Variants in MOCOS observed in about 807,000 individuals in gnomAD.
MOCOS encodes the protein molybdenum cofactor sulfurase.
MOCOS carries 86 observed loss-of-function variants against 83.6 expected under a neutral mutation model. The observed-to-expected ratio is 1.03, with a 90% CI of 0.86 to 1.23. The LOEUF (loss-of-function observed/expected upper bound fraction) is 1.23. Ranked by LOEUF, MOCOS falls within the 50% of genes most tolerant of loss-of-function variation. MOCOS has a pLI of 0.00. For missense variants in MOCOS, 1,120 were observed against 1,126.9 expected, an observed-to-expected ratio of 0.99 and a Z score of 0.09; for synonymous variants, 445 against 434.7, an observed-to-expected ratio of 1.02 and a Z score of -0.29.
chr18:36,245,456 C>T (rs1211778544), intron 9 of MOCOS, among the ~76,000 whole-genome samples: 1 of 152,204 alleles, frequency 6.6e-6, no homozygotes, highest in Non-Finnish European at 1.5e-5. Context: ...GATAGGACCC[C>T]AATCCCTTCT....
At chr18:36,208,700 T>C (rs1401572017) in intron 6 of MOCOS, among the ~76,000 whole-genome samples, 1 of 152,184 alleles carries the variant, frequency 6.6e-6, no homozygotes, top group Non-Finnish European at 1.5e-5. Flanking sequence ...GGGCAGAGAT[T>C]ATGGGATTTT....
rs2096889 is a variant in MOCOS at position 36,219,967 on chromosome 18, C to T, written c.1798-88C>T. 0.12 allele frequency: 179,892 copies of T among 1,517,206 alleles called. 12,065 individuals are homozygous for T. Among genetic ancestry groups the T allele is most frequent in the Non-Finnish European group, 0.14 (151,220 of 1,094,736 alleles). The allele number at this position is 1,517,206 out of a possible 1,614,324, so 94.0% of individuals were successfully genotyped here. ...AGTGTAGGTGCTGAATTCATGAAGTCTATCTGTGTTTGTGTAGCCACTGTA... is the reference window on the plus strand; with the variant it reads ...AGTGTAGGTGCTGAATTCATGAAGTTTATCTGTGTTTGTGTAGCCACTGTA... On this transcript the variant is annotated intron_variant, in intron 8 of 14. Coordinates refer to ENST00000261326, the MANE Select transcript of MOCOS (RefSeq NM_017947.4).
chr18:36,263,318 T>C (rs2091670390), intron 13 of MOCOS, among the ~76,000 whole-genome samples: 1 of 152,212 alleles, frequency 6.6e-6, no homozygotes, highest in South Asian at 2.1e-4. Context: ...TTATGTGAAT[T>C]AGGCCTTTAT....
intron 9 of MOCOS, among the ~76,000 whole-genome samples, chr18:36,241,968 G>A (rs1280645028): frequency 2.6e-5 from 4 of 152,212 alleles, no homozygotes; most frequent in African/African-American, 9.6e-5. Context: ...CCCTGAGCCT[G>A]ACCCGCGAAG....
rs1373736807 is a variant in MOCOS at position 36,199,889 on chromosome 18, C to T, written c.506C>T (p.Ser169Phe). 2 of 1,613,630 alleles carry T rather than the reference C, an allele frequency of 1.2e-6. No homozygotes were observed. The highest frequency in any genetic ancestry group is 2.2e-5 in the East Asian group (1 of 44,802). The change falls in exon 4 of 15, where the codon TCC becomes TTC. Residue 169 changes from serine (S) to phenylalanine (F), a missense_variant. Ser to Phe is a radical substitution (Grantham distance 155). Transcript: ENST00000261326. ...GTGACCATGGCTATAAATGTCATAT[C>T]CACCCCGGTCAGGCCAGAGGACCTG... ...RNVTMAINVI[S>F]TPVRPEDLWS...
rs577151999 is a variant in MOCOS, at chr18:36,244,224, T to G, written c.1961-4698T>G. Among the ~76,000 whole-genome samples, 277 of 152,276 alleles carry G rather than the reference T, an allele frequency of 1.8e-3. 1 individual carries two copies. Among genetic ancestry groups the G allele is most frequent in the African/African-American group, 6.3e-3 (262 of 41,580 alleles). On this transcript the variant is annotated intron_variant, in intron 9 of 14. Coordinates refer to ENST00000261326, the MANE Select transcript of MOCOS (RefSeq NM_017947.4). ...TGAGGTGTGACCTTAGATTATTTATTTGTGCTCTTTCAGACTTTTTGATGT... is the reference window on the plus strand; with the variant it reads ...TGAGGTGTGACCTTAGATTATTTATGTGTGCTCTTTCAGACTTTTTGATGT...
chr18:36,231,884 G>A (rs1340402472), intron 9 of MOCOS, among the ~76,000 whole-genome samples: 1 of 152,176 alleles, frequency 6.6e-6, no homozygotes, highest in Non-Finnish European at 1.5e-5. Flanking sequence ...GATGAAGAAA[G>A]TCTTCATGTT....
intron 5 of MOCOS, 124 bp from the exon 6 acceptor site, chr18:36,204,953 A>G (rs536353570): frequency 9.4e-6 from 8 of 854,582 alleles, no homozygotes; most frequent in Non-Finnish European, 1.4e-5. Context: ...TGATCATACC[A>G]CTGCACTCCA....
At chr18:36,229,784 G>A (rs2091531173) in intron 9 of MOCOS, among the ~76,000 whole-genome samples, 1 of 151,796 alleles carries the variant, frequency 6.6e-6, no homozygotes, top group African/African-American at 2.4e-5. Flanking sequence ...CTAGTCTGCT[G>A]TTGAACCTCT....
intron 9 of MOCOS, among the ~76,000 whole-genome samples, chr18:36,247,405 G>A (rs1024537113): frequency 6.6e-6 from 1 of 152,182 alleles, no homozygotes; most frequent in African/African-American, 2.4e-5. Flanking sequence ...TTCTACTTAG[G>A]AAAGTTTGTG....
rs1183029206 is a variant in MOCOS at position 36,215,623 on chromosome 18, T to C, written c.1443T>C (p.Phe481=). 2.5e-6 allele frequency: 4 copies of C among 1,614,012 alleles called. No homozygotes were observed. Among genetic ancestry groups the C allele is most frequent in the African/African-American group, 1.3e-5 (1 of 74,900 alleles). Residue 481 remains phenylalanine, a synonymous_variant, in exon 8 of 15, where the codon TTT becomes TTC. Transcript: ENST00000261326. Reference sequence around the variant, plus strand: ...CGACGCTGGATGATGTCCAGGCCTTTCTTAGGTTCATCATAGACACTCGCC... The same window carrying C: ...CGACGCTGGATGATGTCCAGGCCTTCCTTAGGTTCATCATAGACACTCGCC... ...YMSTLDDVQA[F]LRFIIDTRLH...
Position 36,191,020 on chromosome 18 carries a change from C to A in MOCOS, c.142+3339C>A, listed in dbSNP as rs1234332837. ...GGTGGCAGAGCAAGACCCTATCTCTCAAAAAAAAAAAGAAAAAGAAAAAAA... is the reference window on the plus strand; with the variant it reads ...GGTGGCAGAGCAAGACCCTATCTCTAAAAAAAAAAAAGAAAAAGAAAAAAA... On this transcript the variant is annotated intron_variant, in intron 1 of 14. Transcript: ENST00000261326. Among the ~76,000 whole-genome samples the A allele has an allele frequency of 6.0e-4, 49 of 81,402 alleles. 1 individual carries two copies. The highest frequency in any genetic ancestry group is 2.4e-3 in the South Asian group (4 of 1,688). The allele number at this position is 81,402 out of a possible 152,430, so 53.4% of individuals were successfully genotyped here. A position where few individuals can be genotyped will look rare whatever the true frequency, so the allele number is the denominator to read the frequency against.
intron 13 of MOCOS, 59 bp from the exon 14 acceptor site, chr18:36,266,690 G>A: frequency 7.0e-7 from 1 of 1,433,738 alleles, no homozygotes; most frequent in East Asian, 2.3e-5. Context: ...TCCTCCCTCT[G>A]AGGTGCAAGG....
chr18:36,198,813 C>T, intron 3 of MOCOS, 57 bp downstream of exon 3: 5 of 1,576,062 alleles, frequency 3.2e-6, no homozygotes, highest in Non-Finnish European at 4.4e-6. Context: ...GACTTCCTTC[C>T]TAGGACTTGC....
At chr18:36,206,845 G>C (rs1444324507) in intron 6 of MOCOS, among the ~76,000 whole-genome samples, 1 of 152,170 alleles carries the variant, frequency 6.6e-6, no homozygotes, top group African/African-American at 2.4e-5. Flanking sequence ...TAGTATCCCA[G>C]GGTGTAAATG....
At chr18:36,232,888 A>ACACACC (rs1568060529) in intron 9 of MOCOS, among the ~76,000 whole-genome samples, 1 of 143,062 alleles carries the variant, frequency 7.0e-6, no homozygotes. Context: ...ACACACACAC[A>ACACACC]CCATTTTCTT....
At chr18:36,203,212 G>A in intron 5 of MOCOS, 23 bp downstream of exon 5, 1 of 1,608,190 alleles carries the variant, frequency 6.2e-7, no homozygotes, top group Non-Finnish European at 8.5e-7. Context: ...TTCTATCCCT[G>A]TGGAATTTGC....
In MOCOS at chr18:36,200,036, A is replaced by T. The variant is rs758893848; in HGVS notation, c.653A>T (p.Glu218Val). Residue 218 changes from glutamate (E) to valine (V), a missense_variant, in exon 4 of 15, where the codon GAG becomes GTG. Physicochemically the swap from Glu to Val is moderately radical, Grantham distance 121. Coordinates refer to ENST00000261326, the MANE Select transcript of MOCOS (RefSeq NM_017947.4). Reference sequence around the variant, plus strand: ...AGATACCCCCTGTCCTGGATAGAAGAGGTCAAGTCTGGGCGGTTGCACCCT... The same window carrying T: ...AGATACCCCCTGTCCTGGATAGAAGTGGTCAAGTCTGGGCGGTTGCACCCT... ...GVRYPLSWIE[E>V]VKSGRLHPVS... 3.7e-6 allele frequency: 6 copies of T among 1,614,070 alleles called. No individual in the cohort carries two copies. The highest frequency in any genetic ancestry group is 4.2e-6 in the Non-Finnish European group (5 of 1,180,038).
At chr18:36,233,576 T>C (rs556907228) in intron 9 of MOCOS, among the ~76,000 whole-genome samples, 4 of 152,218 alleles carry the variant, frequency 2.6e-5, no homozygotes, top group Non-Finnish European at 5.9e-5. Flanking sequence ...CTGGATCAAA[T>C]TGTGGTTCTA....
Sources: allele counts gnomAD v4.1 joint callset (sites outside exome capture counted in the v4.1 genomes callset), GRCh38; gene constraint gnomAD v4.1.1; transcripts MANE v1.5; gene names NCBI Gene and HGNC (gene_info 2026-07-23, HGNC 2026-07-21).